PDGFRL: variants seen among roughly 807,000 people sequenced by gnomAD.
The protein encoded by PDGFRL is platelet derived growth factor receptor like.
A neutral mutation model predicts 37.2 loss-of-function variants in PDGFRL; 46 were observed. The observed-to-expected ratio is 1.24, with a 90% CI of 0.98 to 1.58. The LOEUF (loss-of-function observed/expected upper bound fraction) is 1.58, where lower values mean the gene tolerates loss of function less well. Among genes scored for constraint, PDGFRL ranks in the 40% most tolerant of loss-of-function variants. The pLI is 0.00. For missense variants in PDGFRL, 692 were observed against 467.6 expected (o/e 1.48, Z -4.43); for synonymous variants, 251 against 184.3 (o/e 1.36, Z -2.93).
At chr8:17,609,461 C>A (rs373962098) in intron 2 of PDGFRL, among the ~76,000 whole-genome samples, 1 of 150,080 alleles carries the variant, frequency 6.7e-6, no homozygotes, top group Non-Finnish European at 1.5e-5. Flanking sequence ...GGCGACAGAG[C>A]GAGACTCTGT....
chr8:17,616,168 TATTATTTA>T (rs1804521817), intron 2 of PDGFRL, among the ~76,000 whole-genome samples: 2 of 133,232 alleles, frequency 1.5e-5, no homozygotes, highest in African/African-American at 2.6e-5. Flanking sequence ...TTATTATTGT[TATTATTTA>T]TTTATTTATT....
chr8:17,626,443 C>T (rs1178958368), intron 3 of PDGFRL, among the ~76,000 whole-genome samples: 4 of 152,228 alleles, frequency 2.6e-5, no homozygotes, highest in East Asian at 3.9e-4. Flanking sequence ...GAAGGATCTC[C>T]GTGTTAGTGA....
chr8:17,630,531 T>C (rs988931378), intron 4 of PDGFRL, among the ~76,000 whole-genome samples: 8 of 152,168 alleles, frequency 5.3e-5, no homozygotes, highest in African/African-American at 1.9e-4. Flanking sequence ...AAATCTTCAG[T>C]CCCAACAATT....
intron 2 of PDGFRL, among the ~76,000 whole-genome samples, chr8:17,613,994 T>A (rs1053028964): frequency 6.6e-6 from 1 of 152,206 alleles, no homozygotes; most frequent in Non-Finnish European, 1.5e-5. Flanking sequence ...TGTATCACAT[T>A]GCAAGGATTT....
intron 3 of PDGFRL, among the ~76,000 whole-genome samples, chr8:17,626,451 T>G (rs11990901): frequency 0.15 from 22,751 of 152,026 alleles, 2,636 homozygotes; most frequent in African/African-American, 0.33. Context: ...TCCGTGTTAG[T>G]GAACTTGGTA....
chr8:17,584,255 G>C (rs1302663292), intron 1 of PDGFRL, among the ~76,000 whole-genome samples: 1 of 152,186 alleles, frequency 6.6e-6, no homozygotes, highest in Non-Finnish European at 1.5e-5. Flanking sequence ...TCAGGAAGGA[G>C]CATGTCTGAA....
chr8:17,594,511 G>A (rs1279295830), intron 2 of PDGFRL, among the ~76,000 whole-genome samples: 1 of 151,738 alleles, frequency 6.6e-6, no homozygotes, highest in Non-Finnish European at 1.5e-5. Context: ...GTAAGTGCTG[G>A]GATTCCAGGT....
At chr8:17,623,891 G>C (rs1181616734) in intron 3 of PDGFRL, among the ~76,000 whole-genome samples, 1 of 139,898 alleles carries the variant, frequency 7.1e-6, no homozygotes, top group African/African-American at 2.9e-5. Flanking sequence ...AAAAATACGG[G>C]CTCTCTTTGA....
chr8:17,605,612 A>G (rs1350782825), intron 2 of PDGFRL, among the ~76,000 whole-genome samples: 3 of 152,168 alleles, frequency 2.0e-5, no homozygotes, highest in Non-Finnish European at 2.9e-5. Context: ...ACGAAGGCTT[A>G]AATATAACCA....
chr8:17,615,292 C>T (rs1035685291), intron 2 of PDGFRL, among the ~76,000 whole-genome samples: 1 of 142,832 alleles, frequency 7.0e-6, no homozygotes, highest in African/African-American at 2.5e-5. Context: ...CTGGATCTCT[C>T]ATATTTTTGT....
At chr8:17,600,670 G>T (rs114177059) in intron 2 of PDGFRL, among the ~76,000 whole-genome samples, 1 of 151,734 alleles carries the variant, frequency 6.6e-6, no homozygotes, top group East Asian at 1.9e-4. Context: ...AGGTGTGGTG[G>T]TACATGCCTG....
At chr8:17,583,674 G>C (rs974385126) in intron 1 of PDGFRL, among the ~76,000 whole-genome samples, 1 of 152,102 alleles carries the variant, frequency 6.6e-6, no homozygotes, top group East Asian at 1.9e-4. Flanking sequence ...TGAGTCGTGG[G>C]GGTGGACCCC....
intron 2 of PDGFRL, among the ~76,000 whole-genome samples, chr8:17,601,834 G>A (rs374537422): frequency 6.6e-6 from 1 of 152,266 alleles, no homozygotes; most frequent in East Asian, 1.9e-4. Flanking sequence ...ATTCCATGGT[G>A]TGTATGTACC....
chr8:17,640,914 T>C (rs56253515), intron 5 of PDGFRL, among the ~76,000 whole-genome samples: 17,976 of 151,742 alleles, frequency 0.12, 1,363 homozygotes, highest in African/African-American at 0.2. Flanking sequence ...TAGGCGTGTC[T>C]GAGCTCAGAC....
At chr8:17,638,453 T>G (rs1006811493) in intron 5 of PDGFRL, among the ~76,000 whole-genome samples, 2 of 152,012 alleles carry the variant, frequency 1.3e-5, no homozygotes, top group East Asian at 1.9e-4. Flanking sequence ...AAACTTGTTT[T>G]GTGGCTTATG....
intron 3 of PDGFRL, among the ~76,000 whole-genome samples, chr8:17,623,384 T>C (rs190520643): frequency 4.6e-5 from 7 of 152,346 alleles, no homozygotes; most frequent in Admixed American, 3.9e-4. Flanking sequence ...CTTTGTATTA[T>C]ACCATGCTGT....
chr8:17,594,630 C>T (rs560630748), intron 2 of PDGFRL, among the ~76,000 whole-genome samples: 2 of 150,794 alleles, frequency 1.3e-5, no homozygotes, highest in Non-Finnish European at 3.0e-5. Flanking sequence ...TCTCAGCTCA[C>T]GGCAACCTCC....
chr8:17,621,931 C>T (rs1311704453), intron 3 of PDGFRL, among the ~76,000 whole-genome samples: 1 of 152,160 alleles, frequency 6.6e-6, no homozygotes, highest in African/African-American at 2.4e-5. Flanking sequence ...CTTCGGTCTC[C>T]CAAATTGCTG....
intron 2 of PDGFRL, among the ~76,000 whole-genome samples, chr8:17,615,156 T>C (rs577737578): frequency 3.3e-5 from 5 of 152,198 alleles, no homozygotes; most frequent in African/African-American, 1.2e-4. Context: ...ATGAAGTCGA[T>C]GCTTAATAAC....
Sources: allele counts gnomAD v4.1 joint callset (sites outside exome capture counted in the v4.1 genomes callset), GRCh38; gene constraint gnomAD v4.1.1; transcripts MANE v1.5; gene names NCBI Gene and HGNC (gene_info 2026-07-23, HGNC 2026-07-21).